HS3ST3A1: variants seen among roughly 807,000 people sequenced by gnomAD.
HS3ST3A1 encodes the protein heparan sulfate-glucosamine 3-sulfotransferase 3A1.
A neutral mutation model predicts 25.7 loss-of-function variants in HS3ST3A1; 19 were observed. The observed-to-expected ratio is 0.74, with a 90% CI of 0.52 to 1.08. The LOEUF (loss-of-function observed/expected upper bound fraction) is 1.08, where lower values mean the gene tolerates loss of function less well. Among genes scored for constraint, HS3ST3A1 ranks in the 50% least tolerant of loss-of-function variants. HS3ST3A1 has a pLI of 0.00. For synonymous variants in HS3ST3A1, 226 were observed against 278.6 expected (o/e 0.81, Z 1.88); for missense variants, 459 against 594.3 (o/e 0.77, Z 2.37).
intron 1 of HS3ST3A1, among the ~76,000 whole-genome samples, chr17:13,581,176 T>C (rs376992171): frequency 5.9e-5 from 9 of 152,210 alleles, no homozygotes; most frequent in African/African-American, 2.2e-4. Context: ...ACTTAACTTA[T>C]ATGTCTATCA....
intron 1 of HS3ST3A1, among the ~76,000 whole-genome samples, chr17:13,557,708 A>C (rs893474406): frequency 2.6e-5 from 4 of 152,234 alleles, no homozygotes; most frequent in Non-Finnish European, 5.9e-5. Context: ...GCCAAGCTTG[A>C]AGCCATCTCC....
intron 1 of HS3ST3A1, among the ~76,000 whole-genome samples, chr17:13,504,027 T>G (rs996658838): frequency 6.6e-6 from 1 of 152,154 alleles, no homozygotes. Flanking sequence ...TTAAAACCTG[T>G]GAGTGGGCTG....
intron 1 of HS3ST3A1, among the ~76,000 whole-genome samples, chr17:13,507,471 T>C (rs2142301905): frequency 6.6e-6 from 1 of 152,318 alleles, no homozygotes; most frequent in East Asian, 1.9e-4. Flanking sequence ...AGTGACTCTT[T>C]TGGTTGATGT....
chr17:13,582,600 TG>T (rs1350211775), intron 1 of HS3ST3A1, among the ~76,000 whole-genome samples: 4 of 152,392 alleles, frequency 2.6e-5, no homozygotes, highest in Admixed American at 1.3e-4. Context: ...TGATGTGGTT[TG>T]CTAAACGATC....
intron 1 of HS3ST3A1, among the ~76,000 whole-genome samples, chr17:13,527,177 C>T (rs532423752): frequency 6.6e-6 from 1 of 152,246 alleles, no homozygotes; most frequent in East Asian, 1.9e-4. Context: ...CTGCACTTAC[C>T]TTCCACCCCT....
chr17:13,560,568 T>C (rs1011589462), intron 1 of HS3ST3A1, among the ~76,000 whole-genome samples: 1 of 152,154 alleles, frequency 6.6e-6, no homozygotes, highest in Non-Finnish European at 1.5e-5. Flanking sequence ...ACAGCGTGTG[T>C]CTGGATTTTT....
In HS3ST3A1 at chr17:13,597,000, C is replaced by T. The variant is rs146866014; in HGVS notation, c.599+3531G>A. Among the ~76,000 whole-genome samples the T allele has an allele frequency of 4.6e-3, 700 of 152,174 alleles. 5 individuals carry two copies. The highest frequency in any genetic ancestry group is 0.016 in the African/African-American group (649 of 41,520). ...GGAGCACTAGCTCCTAAACTGTGAG[C>T]TGGACAATCTTTGATCTTCCTGTAT... is the stretch of plus-strand genomic sequence containing the variant. On this transcript the variant is annotated intron_variant, in intron 1 of 1. Coordinates refer to ENST00000284110, the MANE Select transcript of HS3ST3A1 (RefSeq NM_006042.3).
intron 1 of HS3ST3A1, among the ~76,000 whole-genome samples, chr17:13,572,729 G>A (rs1347704704): frequency 6.6e-6 from 1 of 152,156 alleles, no homozygotes; most frequent in African/African-American, 2.4e-5. Context: ...AAGTAGACGG[G>A]GAATTCAACA....
At chr17:13,572,320 G>A (rs1249936455) in intron 1 of HS3ST3A1, among the ~76,000 whole-genome samples, 1 of 152,140 alleles carries the variant, frequency 6.6e-6, no homozygotes, top group African/African-American at 2.4e-5. Context: ...TCATCATATG[G>A]CAGGTGCAGG....
At chr17:13,531,223 T>A (rs1188447962) in intron 1 of HS3ST3A1, among the ~76,000 whole-genome samples, 1 of 152,218 alleles carries the variant, frequency 6.6e-6, no homozygotes, top group East Asian at 1.9e-4. Context: ...GACCAACTCT[T>A]AAAACATGTC....
chr17:13,496,886 T>G, intron 1 of HS3ST3A1, 68 bp from the exon 2 acceptor site: 1 of 1,552,686 alleles, frequency 6.4e-7, no homozygotes, highest in South Asian at 1.2e-5. Flanking sequence ...GACTGTCAAG[T>G]ACACGCTGGA....
chr17:13,576,744 A>G (rs1218678763), intron 1 of HS3ST3A1, among the ~76,000 whole-genome samples: 3 of 152,232 alleles, frequency 2.0e-5, no homozygotes, highest in Non-Finnish European at 2.9e-5. Flanking sequence ...AGTAGAGATC[A>G]AGGGACATTC....
In HS3ST3A1 at chr17:13,591,437, GA is replaced by G. The variant is rs79266271; in HGVS notation, c.599+9093del. Among the ~76,000 whole-genome samples the G allele has an allele frequency of 2.0e-5, 3 of 152,166 alleles. No homozygotes were observed. The East Asian group carries it at 5.8e-4, about 29-fold the overall frequency. On this transcript the variant is annotated intron_variant, in intron 1 of 1. Coordinates refer to ENST00000284110, the MANE Select transcript of HS3ST3A1 (RefSeq NM_006042.3). ...TATTGTTATTTTGTAATAAATGGGG[GA>G]AAAATCAATTGAATGACACAAGATT...
chr17:13,529,660 C>T (rs1906540882), intron 1 of HS3ST3A1, among the ~76,000 whole-genome samples: 1 of 152,144 alleles, frequency 6.6e-6, no homozygotes, highest in Non-Finnish European at 1.5e-5. Context: ...ATTTCCTATT[C>T]ATATTTGATC....
chr17:13,586,216 T>C (rs1908263946), intron 1 of HS3ST3A1, among the ~76,000 whole-genome samples: 1 of 152,104 alleles, frequency 6.6e-6, no homozygotes, highest in South Asian at 2.1e-4. Flanking sequence ...CCTTTTCGCA[T>C]GGCTAGTATT....
chr17:13,561,439 T>C (rs534964286), intron 1 of HS3ST3A1, among the ~76,000 whole-genome samples: 8 of 150,726 alleles, frequency 5.3e-5, no homozygotes, highest in Admixed American at 2.0e-4. Context: ...CAGGCTAGAG[T>C]ACAGTGGCGT....
chr17:13,544,128 A>T (rs1907015233), intron 1 of HS3ST3A1, among the ~76,000 whole-genome samples: 1 of 152,248 alleles, frequency 6.6e-6, no homozygotes, highest in Non-Finnish European at 1.5e-5. Context: ...GAAAAAATAT[A>T]TAATGCTTTC....
At chr17:13,515,471 G>GTTTTTTTTTT (rs33924561) in intron 1 of HS3ST3A1, among the ~76,000 whole-genome samples, 5 of 107,792 alleles carry the variant, frequency 4.6e-5, no homozygotes, top group Admixed American at 1.0e-4. Flanking sequence ...GTTTGTTTCA[G>GTTTTTTTTTT]TTTTTTTTTT....
At position 13,520,363 on chromosome 17, in the gene HS3ST3A1, T is replaced by A. The variant is rs541555614; in HGVS notation, c.600-23545A>T. ...ATCCAATCCTCTTAAAGCTACAGTA[T>A]GTTTGAAGGGAAACAAACCTTTGAA... is the stretch of plus-strand genomic sequence containing the variant. On this transcript the variant is annotated intron_variant, in intron 1 of 1. Coordinates refer to ENST00000284110, the MANE Select transcript of HS3ST3A1 (RefSeq NM_006042.3). Among the ~76,000 whole-genome samples, 4 of 152,370 alleles carry A rather than the reference T, an allele frequency of 2.6e-5. No homozygotes were observed. In the South Asian group the frequency reaches 6.2e-4, roughly 24 times the overall value.
Sources: gnomAD v4.1 joint callset for allele counts (sites outside exome capture counted in the v4.1 genomes callset) on GRCh38, gnomAD v4.1.1 for gene constraint, MANE v1.5 for transcripts, NCBI Gene and HGNC (gene_info 2026-07-23, HGNC 2026-07-21) for gene names.